The following MACROD2 variants were observed in gnomAD, a reference collection of about 807,000 sequenced individuals.
MACROD2 encodes mono-ADP ribosylhydrolase 2, also known as ADP-ribose glycohydrolase MACROD2.
Under a neutral mutation model 70.4 loss-of-function variants are expected in MACROD2, and 36 were observed. The ratio of observed to expected loss-of-function variants is 0.51; its 90% confidence interval spans 0.39 to 0.68. The LOEUF is 0.68. MACROD2 is among the 30% of genes least tolerant of loss of function. MACROD2 has a pLI of 0.00. For synonymous variants in MACROD2, 172 were observed against 178.8 expected (o/e 0.96, Z 0.30); for missense variants, 496 against 538.4 (o/e 0.92, Z 0.78).
At chr20:16,022,761 T>C (rs6080100) in intron 15 of MACROD2, among the ~76,000 whole-genome samples, 41,242 of 152,072 alleles carry the variant, frequency 0.27, 6,126 homozygotes, top group South Asian at 0.37. Flanking sequence ...TTCAAAAGGA[T>C]AAAACAGTGT....
chr20:14,052,452 CTTG>C (rs1240766619), intron 2 of MACROD2, among the ~76,000 whole-genome samples: 1 of 152,086 alleles, frequency 6.6e-6, no homozygotes, highest in South Asian at 2.1e-4. Flanking sequence ...TTGTAACTAA[CTTG>C]TTGATGATCT....
At chr20:14,690,970 T>A (rs1191355017) in intron 5 of MACROD2, among the ~76,000 whole-genome samples, 1 of 152,148 alleles carries the variant, frequency 6.6e-6, no homozygotes, top group Non-Finnish European at 1.5e-5. Context: ...CAGGCTGGAG[T>A]GCAATGGCGC....
At chr20:14,972,102 T>C (rs1311214811) in intron 5 of MACROD2, among the ~76,000 whole-genome samples, 5 of 152,248 alleles carry the variant, frequency 3.3e-5, no homozygotes, top group Admixed American at 1.3e-4. Context: ...TTAACTCCTA[T>C]ATCACTGGTT....
chr20:16,046,287 G>A (rs996763728), intron 17 of MACROD2, among the ~76,000 whole-genome samples: 4 of 151,814 alleles, frequency 2.6e-5, no homozygotes, highest in African/African-American at 4.8e-5. Flanking sequence ...GCATAAGACT[G>A]CTAAAAAGTA....
chr20:14,215,100 ATATAT>A (rs2081605359), intron 3 of MACROD2, among the ~76,000 whole-genome samples: 1 of 146,290 alleles, frequency 6.8e-6, no homozygotes, highest in Non-Finnish European at 1.5e-5. Flanking sequence ...ATTCCATCAT[ATATAT>A]CTATTCCATC....
intron 7 of MACROD2, among the ~76,000 whole-genome samples, chr20:15,478,565 G>C: frequency 6.6e-6 from 1 of 152,024 alleles, no homozygotes; most frequent in African/African-American, 2.4e-5. Context: ...GTGTGTGTGT[G>C]TGTGTGTGTT....
chr20:14,040,350 A>G (rs1323185431), intron 2 of MACROD2, among the ~76,000 whole-genome samples: 1 of 152,206 alleles, frequency 6.6e-6, no homozygotes, highest in Non-Finnish European at 1.5e-5. Context: ...TAGAAAAAGT[A>G]CAGTAAAAAT....
chr20:15,888,841 T>C (rs1178036480), intron 10 of MACROD2, among the ~76,000 whole-genome samples: 1 of 152,112 alleles, frequency 6.6e-6, no homozygotes, highest in Non-Finnish European at 1.5e-5. Flanking sequence ...TCACCAGACA[T>C]TGGTGTGCAT....
chr20:14,445,253 A>G (rs1366476522), intron 3 of MACROD2, among the ~76,000 whole-genome samples: 2 of 151,912 alleles, frequency 1.3e-5, no homozygotes, highest in African/African-American at 2.4e-5. Context: ...ATTTTTGTCC[A>G]TTTTGTTCCC....
intron 6 of MACROD2, among the ~76,000 whole-genome samples, chr20:15,316,585 C>A (rs2077813356): frequency 6.6e-6 from 1 of 151,978 alleles, no homozygotes; most frequent in South Asian, 2.1e-4. Flanking sequence ...ATAGATAGTT[C>A]TACAGTAACT....
chr20:15,278,175 A>C (rs1385915431), intron 6 of MACROD2, among the ~76,000 whole-genome samples: 32 of 152,188 alleles, frequency 2.1e-4, no homozygotes, highest in Non-Finnish European at 4.7e-4. Context: ...GTTCTGAGCT[A>C]TGGAGTTCTG....
chr20:15,785,760 G>A (rs1427119271), intron 8 of MACROD2, among the ~76,000 whole-genome samples: 1 of 151,972 alleles, frequency 6.6e-6, no homozygotes, highest in East Asian at 1.9e-4. Flanking sequence ...ATATCCCACC[G>A]TGCTTTCTCT....
intron 5 of MACROD2, among the ~76,000 whole-genome samples, chr20:15,164,632 A>G (rs2076370655): frequency 6.6e-6 from 1 of 152,190 alleles, no homozygotes; most frequent in South Asian, 2.1e-4. Context: ...ATGGTGGCTC[A>G]TGCCTGTAAT....
chr20:14,517,907 T>C (rs1404002705), intron 4 of MACROD2, among the ~76,000 whole-genome samples: 1 of 152,108 alleles, frequency 6.6e-6, no homozygotes, highest in African/African-American at 2.4e-5. Flanking sequence ...TATCATGCTA[T>C]TTGGTTATGA....
At chr20:15,385,114 C>T (rs1183953276) in intron 6 of MACROD2, among the ~76,000 whole-genome samples, 1 of 152,144 alleles carries the variant, frequency 6.6e-6, no homozygotes, top group African/African-American at 2.4e-5. Context: ...TTTCCAAATG[C>T]ACACAGTGGG....
In MACROD2 at chr20:14,348,278, A is replaced by AAAAAAAT. The variant is rs755694830; in HGVS notation, c.272-145198_272-145197insAAATAAA. 1.6e-3 allele frequency among the ~76,000 whole-genome samples: 229 copies of AAAAAAAT among 143,980 alleles called. 3 individuals are homozygous for AAAAAAAT. The highest frequency in any genetic ancestry group is 1.9e-3 in the African/African-American group (72 of 38,200). The allele number at this position is 143,980 out of a possible 152,430, so 94.5% of individuals were successfully genotyped here. On this transcript the variant is annotated intron_variant, in intron 3 of 17. Coordinates refer to ENST00000684519, the MANE Select transcript of MACROD2 (RefSeq NM_001351661.2). ...AGCAAGACTCCGTCTCAAAAAAAAA[A>AAAAAAAT]AAATAAATAAAATAAAGAAAGAAAG...
chr20:15,975,180 C>T (rs960147986), intron 13 of MACROD2, among the ~76,000 whole-genome samples: 1 of 151,784 alleles, frequency 6.6e-6, no homozygotes, highest in Non-Finnish European at 1.5e-5. Flanking sequence ...TAAATAAATG[C>T]AAATAAAATA....
intron 12 of MACROD2, among the ~76,000 whole-genome samples, chr20:15,956,679 C>A (rs557391715): frequency 6.6e-6 from 1 of 152,260 alleles, no homozygotes; most frequent in South Asian, 2.1e-4. Context: ...CATCTGGGAA[C>A]TTGTTAGACA....
intron 5 of MACROD2, among the ~76,000 whole-genome samples, chr20:14,872,935 C>A (rs568562260): frequency 7.2e-5 from 11 of 152,134 alleles, no homozygotes; most frequent in African/African-American, 2.6e-4. Context: ...GAGGAACTAC[C>A]AAACACTTAT....
Sources: gnomAD v4.1 joint callset for allele counts (sites outside exome capture counted in the v4.1 genomes callset) on GRCh38, gnomAD v4.1.1 for gene constraint, MANE v1.5 for transcripts, NCBI Gene and HGNC (gene_info 2026-07-23, HGNC 2026-07-21) for gene names.